Variants in TTC3 observed in about 807,000 individuals in gnomAD.
TTC3 encodes E3 ubiquitin-protein ligase TTC3.
A neutral mutation model predicts 249.6 loss-of-function variants in TTC3; 180 were observed. The observed-to-expected ratio is 0.72, with a 90% CI of 0.64 to 0.82. The LOEUF (loss-of-function observed/expected upper bound fraction) is 0.82, where lower values mean the gene tolerates loss of function less well. Ranked by LOEUF, TTC3 falls within the 40% of genes least tolerant of loss-of-function variation. TTC3 has a pLI of 0.00. For synonymous variants in TTC3, 717 were observed against 805.0 expected, an observed-to-expected ratio of 0.89 and a Z score of 1.85; for missense variants, 2,061 against 2,398.4, an observed-to-expected ratio of 0.86 and a Z score of 2.94.
intron 7 of TTC3, among the ~76,000 whole-genome samples, chr21:37,093,659 T>C (rs2073586613): frequency 6.6e-6 from 1 of 152,128 alleles, no homozygotes; most frequent in Non-Finnish European, 1.5e-5. Flanking sequence ...TTGACTTAAG[T>C]AATTATGTGG....
intron 11 of TTC3, among the ~76,000 whole-genome samples, chr21:37,110,721 C>T (rs1471854528): frequency 6.6e-6 from 1 of 152,126 alleles, no homozygotes; most frequent in Non-Finnish European, 1.5e-5. Context: ...AAAGATACTC[C>T]TTGAGAAGAG....
intron 44 of TTC3, among the ~76,000 whole-genome samples, chr21:37,198,802 T>A (rs1422212483): frequency 6.6e-6 from 1 of 152,232 alleles, no homozygotes; most frequent in Admixed American, 6.5e-5. Flanking sequence ...AATACGCTAG[T>A]CACACTTTGT....
chr21:37,187,844 T>C (rs1284296855), intron 38 of TTC3: 1 of 152,264 alleles, frequency 6.6e-6, no homozygotes, highest in Non-Finnish European at 1.5e-5. Context: ...ATGAATACTT[T>C]TTGGGTCCTA....
intron 44 of TTC3, among the ~76,000 whole-genome samples, chr21:37,199,413 G>A (rs1330626014): frequency 2.0e-5 from 3 of 152,190 alleles, no homozygotes; most frequent in Non-Finnish European, 4.4e-5. Flanking sequence ...TGAGCTGCAG[G>A]GAGAACTGTG....
At chr21:37,191,500 G>T in intron 40 of TTC3, 76 bp downstream of exon 40, 1 of 875,222 alleles carries the variant, frequency 1.1e-6, no homozygotes, top group African/African-American at 1.8e-5. Context: ...GTGTCATATT[G>T]AATCTATTTC....
chr21:37,179,119 T>A (rs2082522237), intron 35 of TTC3, among the ~76,000 whole-genome samples: 1 of 151,940 alleles, frequency 6.6e-6, no homozygotes, highest in African/African-American at 2.4e-5. Context: ...ACAAAAAAAT[T>A]AAAAAATTAA....
At position 37,101,570 on chromosome 21, in the gene TTC3, G is replaced by GT. The variant is rs1555860355; in HGVS notation, c.845+4927_845+4928insT. ...CAACAGAGTAGGAAAAGGTACACTC[G>GT]CCAGCTCTGACCCATCCTCTGATTC... On this transcript the variant is annotated intron_variant, in intron 10 of 45. Coordinates refer to ENST00000355666, the Ensembl canonical transcript of TTC3. Among the ~76,000 whole-genome samples, 957 of 152,292 alleles carry GT rather than the reference G, an allele frequency of 6.3e-3. 9 individuals are homozygous for GT. The highest frequency in any genetic ancestry group is 0.021 in the African/African-American group (870 of 41,548).
chr21:37,134,905 A>G (rs1253769659), intron 17 of TTC3, among the ~76,000 whole-genome samples: 1 of 152,222 alleles, frequency 6.6e-6, no homozygotes, highest in African/African-American at 2.4e-5. Flanking sequence ...TAACAATTAC[A>G]GTATTTATTT....
chr21:37,164,373 G>A (rs963945829), intron 32 of TTC3, among the ~76,000 whole-genome samples, 158 bp downstream of exon 32: 1 of 148,458 alleles, frequency 6.7e-6, no homozygotes, highest in Non-Finnish European at 1.5e-5. Context: ...GAGTCTTGCT[G>A]TGTCACACAG....
chr21:37,098,850 CTT>C (rs1169831918), intron 10 of TTC3: 1 of 152,084 alleles, frequency 6.6e-6, no homozygotes, highest in Non-Finnish European at 1.5e-5. Flanking sequence ...CTGAGAAAGA[CTT>C]TTATCTGAGT....
intron 29 of TTC3, among the ~76,000 whole-genome samples, chr21:37,160,599 G>GT (rs5843796): frequency 1 from 152,366 of 152,366 alleles, 76,183 homozygotes; most frequent in Non-Finnish European, 1. Flanking sequence ...CTTAATTTTA[G>GT]TATACATTAG....
chr21:37,104,649 G>A (rs1038931803), intron 10 of TTC3, among the ~76,000 whole-genome samples: 3 of 151,376 alleles, frequency 2.0e-5, no homozygotes, highest in Admixed American at 1.3e-4. Flanking sequence ...CCAATGTTGT[G>A]TAGGTAGTGA....
At position 37,093,630 on chromosome 21, in the gene TTC3, C is replaced by A. The variant is rs529258648; in HGVS notation, c.602-375C>A. Among the ~76,000 whole-genome samples, 224 of 152,138 alleles carry A rather than the reference C, an allele frequency of 1.5e-3. 2 individuals are homozygous for A. The highest frequency in any genetic ancestry group is 4.9e-3 in the African/African-American group (205 of 41,524). On this transcript the variant is annotated intron_variant, in intron 7 of 45. Coordinates refer to ENST00000355666, the Ensembl canonical transcript of TTC3. ...TATTGTGCATGGTACACCATACATG[C>A]TTGACAGTGTTTATTGAATTGACTT...
chr21:37,115,501 G>A (rs948341504), intron 11 of TTC3, among the ~76,000 whole-genome samples: 4 of 152,158 alleles, frequency 2.6e-5, no homozygotes, highest in African/African-American at 9.7e-5. Flanking sequence ...CTGAGTGTGT[G>A]TGCTCTAGAA....
intron 11 of TTC3, among the ~76,000 whole-genome samples, chr21:37,115,360 A>C (rs2147837920): frequency 6.6e-6 from 1 of 152,222 alleles, no homozygotes; most frequent in Non-Finnish European, 1.5e-5. Flanking sequence ...AGATTGGCAG[A>C]AATTAAAGAG....
intron 39 of TTC3, among the ~76,000 whole-genome samples, chr21:37,190,423 C>A (rs972165165): frequency 6.6e-6 from 1 of 152,046 alleles, no homozygotes; most frequent in African/African-American, 2.4e-5. Context: ...TGTGAGCCAC[C>A]ATGCCCGGCC....
intron 27 of TTC3, among the ~76,000 whole-genome samples, chr21:37,154,764 C>T (rs1008724859): frequency 2.6e-5 from 4 of 152,140 alleles, no homozygotes; most frequent in Admixed American, 1.3e-4. Flanking sequence ...GGCGCGATCT[C>T]GGCTCACTGC....
At chr21:37,132,184 C>G (rs2077521267) in intron 16 of TTC3, among the ~76,000 whole-genome samples, 1 of 152,064 alleles carries the variant, frequency 6.6e-6, no homozygotes, top group South Asian at 2.1e-4. Context: ...AGAAATATTG[C>G]CAAAATGCCA....
intron 11 of TTC3, among the ~76,000 whole-genome samples, chr21:37,118,131 T>A (rs3838090): frequency 0.042 from 5,918 of 141,890 alleles, 354 homozygotes; most frequent in African/African-American, 0.14. Context: ...CTTTTTTTTT[T>A]AAAACCAGAA....
Sources: gnomAD v4.1 joint callset for allele counts (sites outside exome capture counted in the v4.1 genomes callset) on GRCh38, gnomAD v4.1.1 for gene constraint, MANE v1.5 for transcripts, NCBI Gene and HGNC (gene_info 2026-07-23, HGNC 2026-07-21) for gene names.